The following FAM227B variants were observed in gnomAD, a reference collection of about 807,000 sequenced individuals.
The protein encoded by FAM227B is family with sequence similarity 227 member B, also known as protein FAM227B.
FAM227B carries 88 observed loss-of-function variants against 73.8 expected under a neutral mutation model. That is an observed-to-expected ratio of 1.19 (90% CI 1.00 to 1.42). The LOEUF (loss-of-function observed/expected upper bound fraction) is 1.42. Ranked by LOEUF, FAM227B falls within the 40% of genes most tolerant of loss-of-function variation. FAM227B has a pLI of 0.00. For missense variants in FAM227B, 632 were observed against 590.9 expected (o/e 1.07, Z -0.72); for synonymous variants, 210 against 190.5 (o/e 1.10, Z -0.84).
At chr15:49,544,339 T>C (rs1372209935) in intron 9 of FAM227B, among the ~76,000 whole-genome samples, 2 of 152,212 alleles carry the variant, frequency 1.3e-5, no homozygotes, top group East Asian at 1.9e-4. Context: ...GTGCTACTTA[T>C]TTGTGTACAC....
intron 9 of FAM227B, among the ~76,000 whole-genome samples, chr15:49,542,297 AT>A (rs58193517): frequency 0.33 from 49,741 of 151,878 alleles, 8,921 homozygotes; most frequent in African/African-American, 0.46. Flanking sequence ...TGATGAAATT[AT>A]TTGGGTTGGA....
intron 10 of FAM227B, among the ~76,000 whole-genome samples, chr15:49,525,607 A>G (rs1423393815): frequency 1.5e-5 from 2 of 133,938 alleles, no homozygotes; most frequent in Non-Finnish European, 3.4e-5. Context: ...GGACCTGCCT[A>G]TAACAGACCC....
At chr15:49,361,476 C>T (rs1348695131) in intron 13 of FAM227B, among the ~76,000 whole-genome samples, 1 of 152,136 alleles carries the variant, frequency 6.6e-6, no homozygotes, top group Non-Finnish European at 1.5e-5. Flanking sequence ...TTAGCTCCTA[C>T]TTATTAGTGA....
At chr15:49,377,056 C>T (rs181849624) in intron 11 of FAM227B, among the ~76,000 whole-genome samples, 1 of 152,128 alleles carries the variant, frequency 6.6e-6, no homozygotes, top group Non-Finnish European at 1.5e-5. Flanking sequence ...CCTCTGGTAA[C>T]CATCCTTCTA....
At chr15:49,331,481 T>C (rs2038736654) in intron 15 of FAM227B, 1 of 301,184 alleles carries the variant, frequency 3.3e-6, no homozygotes, top group Non-Finnish European at 6.2e-6. Context: ...AATGAAAAAC[T>C]TACAATTTTA....
chr15:49,382,229 A>G lies in FAM227B; in HGVS notation c.1013-10830T>C, dbSNP rs567574310. Among the ~76,000 whole-genome samples the G allele has an allele frequency of 7.9e-5, 12 of 152,216 alleles. No homozygotes were observed. The South Asian group carries it at 2.5e-3, about 32-fold the overall frequency. The stretch of plus-strand genomic sequence containing the variant: ...TGATAGAAGAATTATACTGTCAGAT[A>G]TTAAAATGTATAAAACAATAATGAT... On this transcript the variant is annotated intron_variant, in intron 11 of 15. Transcript: ENST00000299338.
intron 11 of FAM227B, among the ~76,000 whole-genome samples, 182 bp downstream of exon 11, chr15:49,508,029 T>G (rs2058707708): frequency 6.6e-6 from 1 of 152,178 alleles, no homozygotes; most frequent in Non-Finnish European, 1.5e-5. Context: ...AAAATCATTA[T>G]TTTGTAACAG....
rs1304973246 is a variant in FAM227B, at chr15:49,489,891, G to T, written c.1012+18320C>A. ...ATATATATATATATATATAGAGAGA[G>T]AGAGAGAGAGAGAGAGAGAGAGACA... On this transcript the variant is annotated intron_variant, in intron 11 of 15. Coordinates refer to ENST00000299338, the MANE Select transcript of FAM227B (RefSeq NM_152647.3). 1.9e-3 allele frequency among the ~76,000 whole-genome samples: 46 copies of T among 23,944 alleles called. 2 individuals carry two copies. The highest frequency in any genetic ancestry group is 0.01 in the Admixed American group (10 of 988). The allele number at this position is 23,944 out of a possible 152,430, so 15.7% of individuals were successfully genotyped here. A position where few individuals can be genotyped will look rare whatever the true frequency, so the allele number is the denominator to read the frequency against.
intron 12 of FAM227B, 83 bp from the exon 13 acceptor site, chr15:49,367,691 G>A: frequency 8.0e-7 from 1 of 1,244,470 alleles, no homozygotes; most frequent in Non-Finnish European, 1.1e-6. Context: ...TTCATATTTA[G>A]CATAAAGTTA....
At chr15:49,473,220 T>G (rs1567345328) in intron 11 of FAM227B, among the ~76,000 whole-genome samples, 1 of 152,040 alleles carries the variant, frequency 6.6e-6, no homozygotes, top group Non-Finnish European at 1.5e-5. Context: ...TTACTCACAG[T>G]TTAGTTAACT....
At chr15:49,613,087 G>A (rs1487300883) in intron 2 of FAM227B, among the ~76,000 whole-genome samples, 1 of 152,164 alleles carries the variant, frequency 6.6e-6, no homozygotes, top group Non-Finnish European at 1.5e-5. Flanking sequence ...AGTGGCTCAT[G>A]CCTATAATAC....
At chr15:49,418,970 G>C (rs939075720) in intron 11 of FAM227B, among the ~76,000 whole-genome samples, 9 of 152,114 alleles carry the variant, frequency 5.9e-5, no homozygotes, top group East Asian at 1.9e-4. Context: ...AGATGGGATA[G>C]ATTTCAAGAG....
chr15:49,572,740 C>T (rs1408641085), intron 8 of FAM227B, among the ~76,000 whole-genome samples: 1 of 152,050 alleles, frequency 6.6e-6, no homozygotes, highest in Non-Finnish European at 1.5e-5. Flanking sequence ...AGGCATTCCT[C>T]TTCTTTTGCT....
At chr15:49,422,642 G>A in intron 11 of FAM227B, 1 of 1,092,210 alleles carries the variant, frequency 9.2e-7, no homozygotes, top group South Asian at 1.3e-5. Context: ...GGAACAGCAG[G>A]TAACTTGCCC....
intron 11 of FAM227B, chr15:49,484,702 A>G (rs2152027745): frequency 2.5e-6 from 1 of 394,208 alleles, no homozygotes; most frequent in East Asian, 3.7e-5. Context: ...TTTGAAAAGT[A>G]TACACAAAAA....
intron 11 of FAM227B, among the ~76,000 whole-genome samples, chr15:49,463,587 C>T (rs1022096902): frequency 2.6e-5 from 4 of 151,586 alleles, no homozygotes; most frequent in African/African-American, 9.7e-5. Flanking sequence ...CAACTAGCTG[C>T]ATAAGTTCTT....
At chr15:49,501,311 TG>T (rs1351609075) in intron 11 of FAM227B, among the ~76,000 whole-genome samples, 1 of 152,194 alleles carries the variant, frequency 6.6e-6, no homozygotes, top group Non-Finnish European at 1.5e-5. Context: ...GATACTGATA[TG>T]GGCAGTGAAG....
intron 13 of FAM227B, among the ~76,000 whole-genome samples, chr15:49,357,201 A>C (rs1343075828): frequency 6.7e-6 from 1 of 150,048 alleles, no homozygotes; most frequent in Non-Finnish European, 1.5e-5. Flanking sequence ...AAACACATTC[A>C]AAAGCTAGCA....
intron 13 of FAM227B, among the ~76,000 whole-genome samples, chr15:49,345,225 TTTTA>T (rs1427845326): frequency 1.3e-5 from 2 of 152,222 alleles, no homozygotes; most frequent in Non-Finnish European, 2.9e-5. Flanking sequence ...AAGAATTATG[TTTTA>T]TTTCTTATAA....
Sources: gnomAD v4.1 joint callset for allele counts (sites outside exome capture counted in the v4.1 genomes callset) on GRCh38, gnomAD v4.1.1 for gene constraint, MANE v1.5 for transcripts, NCBI Gene and HGNC (gene_info 2026-07-23, HGNC 2026-07-21) for gene names.